Variants in CSMD1 observed in about 807,000 individuals in gnomAD.
CSMD1 encodes CUB and Sushi multiple domains 1.
A neutral mutation model predicts 417.5 loss-of-function variants in CSMD1; 213 were observed. The ratio of observed to expected loss-of-function variants is 0.51; its 90% CI spans 0.46 to 0.57. The LOEUF (loss-of-function observed/expected upper bound fraction) is 0.57. Among genes scored for constraint, CSMD1 ranks in the 20% least tolerant of loss-of-function variants. The pLI is 0.00. For missense variants in CSMD1, 6,923 were observed against 4,529.7 expected, an observed-to-expected ratio of 1.53 and a Z score of -15.17; for synonymous variants, 2,862 against 1,736.8, an observed-to-expected ratio of 1.65 and a Z score of -16.11.
chr8:3,153,197 C>G (rs1482727232), intron 39 of CSMD1, among the ~76,000 whole-genome samples: 1 of 152,150 alleles, frequency 6.6e-6, no homozygotes, highest in Non-Finnish European at 1.5e-5. Flanking sequence ...CTGCTACACT[C>G]CCACCAGCAC....
At chr8:3,012,841 T>G (rs1808505818) in intron 52 of CSMD1, among the ~76,000 whole-genome samples, 1 of 152,158 alleles carries the variant, frequency 6.6e-6, no homozygotes, top group Non-Finnish European at 1.5e-5. Flanking sequence ...AATCTCACCT[T>G]AAATTGTAAT....
Position 3,029,305 on chromosome 8 carries a change from C to G in CSMD1, c.7855+14G>C, listed in dbSNP as rs776146830. Reference sequence around the variant, plus strand: ...GATGCCGTGACTTTCAGGGGTGCCTCCCTCATCACTTACCTCGACAGCTTG... The same window carrying G: ...GATGCCGTGACTTTCAGGGGTGCCTGCCTCATCACTTACCTCGACAGCTTG... On this transcript the variant is annotated intron_variant, in intron 51 of 69. Transcript: ENST00000635120. 6.3e-7 allele frequency: 1 copy of G among 1,590,304 alleles called. No homozygotes were observed. The highest frequency in any genetic ancestry group is 2.2e-5 in the East Asian group (1 of 44,526).
intron 69 of CSMD1, among the ~76,000 whole-genome samples, chr8:2,939,227 A>T (rs677227): frequency 0.87 from 133,160 of 152,296 alleles, 58,398 homozygotes; most frequent in East Asian, 0.93. Context: ...CTTGGTTAAG[A>T]CACGAAACTT....
chr8:3,604,079 G>C (rs1231333122), intron 8 of CSMD1, among the ~76,000 whole-genome samples: 1 of 152,184 alleles, frequency 6.6e-6, no homozygotes, highest in African/African-American at 2.4e-5. Flanking sequence ...AGTGAATAAT[G>C]GCTGAATGCT....
intron 23 of CSMD1, among the ~76,000 whole-genome samples, chr8:3,315,924 G>A (rs971979360): frequency 3.3e-5 from 5 of 152,166 alleles, no homozygotes; most frequent in Admixed American, 6.5e-5. Context: ...AATGCTGGTT[G>A]TACTTTGATC....
chr8:3,281,889 C>T (rs559893862), intron 26 of CSMD1, among the ~76,000 whole-genome samples: 1 of 152,036 alleles, frequency 6.6e-6, no homozygotes, highest in Non-Finnish European at 1.5e-5. Context: ...TAGTACCATC[C>T]CCCAGTGCTG....
At chr8:3,652,579 G>C (rs1351633563) in intron 7 of CSMD1, among the ~76,000 whole-genome samples, 2 of 152,174 alleles carry the variant, frequency 1.3e-5, no homozygotes, top group East Asian at 1.9e-4. Flanking sequence ...AGAAGCAAAG[G>C]CATGTCGTAC....
intron 1 of CSMD1, among the ~76,000 whole-genome samples, chr8:4,910,741 C>G (rs6558937): frequency 0.93 from 141,143 of 152,236 alleles, 65,669 homozygotes; most frequent in East Asian, 1. Context: ...TAATAAAGCA[C>G]ATAATTATAT....
chr8:4,258,332 GGGAGGGAGGGGAGGGAGAAAGAGAA>G (rs1245484022), intron 3 of CSMD1, among the ~76,000 whole-genome samples: 14 of 77,656 alleles, frequency 1.8e-4, no homozygotes, highest in Middle Eastern at 5.4e-3. Flanking sequence ...GAGAAAGAGA[GGGAGGGAGGGGAGGGAGAAAGAGAA>G]GGAGGGAAGG....
chr8:4,484,745 G>A (rs567472908), intron 2 of CSMD1, among the ~76,000 whole-genome samples: 9 of 151,928 alleles, frequency 5.9e-5, no homozygotes, highest in African/African-American at 1.5e-4. Flanking sequence ...AGAGACGGGC[G>A]GATCACGAGG....
chr8:4,516,366 G>T (rs991916892), intron 2 of CSMD1, among the ~76,000 whole-genome samples: 1 of 152,174 alleles, frequency 6.6e-6, no homozygotes, highest in Non-Finnish European at 1.5e-5. Context: ...CATCCAGTTT[G>T]TGGTACTTTA....
chr8:4,252,527 T>C (rs1191652693), intron 3 of CSMD1, among the ~76,000 whole-genome samples: 1 of 152,196 alleles, frequency 6.6e-6, no homozygotes, highest in East Asian at 1.9e-4. Flanking sequence ...TCAAACACCA[T>C]AAAATGCTCC....
chr8:4,750,106 C>A (rs533290522), intron 1 of CSMD1, among the ~76,000 whole-genome samples: 1 of 152,250 alleles, frequency 6.6e-6, no homozygotes, highest in East Asian at 1.9e-4. Context: ...CCCGGGTTCA[C>A]CCCATTCTCC....
chr8:4,141,563 A>G (rs1006679728), intron 3 of CSMD1, among the ~76,000 whole-genome samples: 2 of 151,186 alleles, frequency 1.3e-5, no homozygotes, highest in Non-Finnish European at 2.9e-5. Flanking sequence ...AGCTCTTACA[A>G]ACCTGTACAG....
intron 62 of CSMD1, among the ~76,000 whole-genome samples, chr8:2,960,619 T>C (rs1360729340): frequency 6.6e-6 from 1 of 152,198 alleles, no homozygotes; most frequent in East Asian, 1.9e-4. Flanking sequence ...TGATATTTAG[T>C]ACGCTAATAA....
chr8:4,934,563 A>T (rs1244067789), intron 1 of CSMD1, among the ~76,000 whole-genome samples: 2 of 152,172 alleles, frequency 1.3e-5, no homozygotes, highest in African/African-American at 4.8e-5. Context: ...TGGAGACTGC[A>T]ACATGGACAA....
intron 2 of CSMD1, among the ~76,000 whole-genome samples, chr8:4,435,131 A>T (rs1435491546): frequency 6.6e-6 from 1 of 152,212 alleles, no homozygotes; most frequent in East Asian, 1.9e-4. Flanking sequence ...ACTGTATTTT[A>T]AAGTATCAGT....
intron 50 of CSMD1, among the ~76,000 whole-genome samples, chr8:3,029,921 C>T (rs1810228743): frequency 6.6e-6 from 1 of 152,122 alleles, no homozygotes; most frequent in African/African-American, 2.4e-5. Context: ...CCAGCTGGGA[C>T]ACTAATTTTC....
intron 3 of CSMD1, among the ~76,000 whole-genome samples, chr8:4,333,855 T>G (rs764345507): frequency 5.9e-5 from 9 of 152,150 alleles, no homozygotes; most frequent in Non-Finnish European, 1.2e-4. Flanking sequence ...TGTTTCATCT[T>G]TAACATGGGG....
Sources: allele counts gnomAD v4.1 joint callset (sites outside exome capture counted in the v4.1 genomes callset), GRCh38; gene constraint gnomAD v4.1.1; transcripts MANE v1.5; gene names NCBI Gene and HGNC (gene_info 2026-07-23, HGNC 2026-07-21).